Variants in EYS observed in about 807,000 individuals in gnomAD.
EYS encodes the protein protein eyes shut homolog.
A neutral mutation model predicts 282.1 loss-of-function variants in EYS; 250 were observed. The ratio of observed to expected loss-of-function variants is 0.89; its 90% CI spans 0.80 to 0.98. The LOEUF is 0.98. EYS is among the 50% of genes least tolerant of loss of function. The probability of loss-of-function intolerance (pLI) is 0.00; values close to 1 mark genes in which losing one functional copy is unlikely to be tolerated. For missense variants in EYS, 4,016 were observed against 3,709.0 expected (o/e 1.08, Z -2.15); for synonymous variants, 1,355 against 1,282.9 (o/e 1.06, Z -1.20).
intron 29 of EYS, among the ~76,000 whole-genome samples, chr6:64,364,638 T>G (rs533836612): frequency 2.6e-4 from 40 of 151,970 alleles, no homozygotes; most frequent in African/African-American, 9.6e-4. Flanking sequence ...TCAATCTAAT[T>G]AACCCAAATT....
chr6:64,423,813 A>G (rs767699847), intron 28 of EYS, among the ~76,000 whole-genome samples: 5 of 148,386 alleles, frequency 3.4e-5, no homozygotes, highest in Non-Finnish European at 5.9e-5. Flanking sequence ...ATCATGGGGG[A>G]AAAAAAAATT....
chr6:65,282,200 A>T (rs1768242924), intron 12 of EYS, among the ~76,000 whole-genome samples: 1 of 152,042 alleles, frequency 6.6e-6, no homozygotes, highest in Non-Finnish European at 1.5e-5. Flanking sequence ...TATTAAATAC[A>T]TTTCAAAATT....
intron 26 of EYS, among the ~76,000 whole-genome samples, chr6:64,471,908 G>C (rs73455414): frequency 6.6e-6 from 1 of 152,236 alleles, no homozygotes; most frequent in African/African-American, 2.4e-5. Flanking sequence ...TAGCACAGTA[G>C]GGTGACTGTA....
rs181559924 is a variant in EYS at position 64,341,168 on chromosome 6, A to G, written c.6079-34086T>C. On this transcript the variant is annotated intron_variant, in intron 29 of 42. Transcript: ENST00000503581. ...AGTTTGGAGATTTCTCAGAGAACTT[A>G]GAGCTACCATTCAACCCAGCAATCC... Among the ~76,000 whole-genome samples, 788 of 151,878 alleles carry G rather than the reference A, an allele frequency of 5.2e-3. 2 individuals carry two copies. The highest frequency in any genetic ancestry group is 8.5e-3 in the Non-Finnish European group (573 of 67,774).
intron 14 of EYS, among the ~76,000 whole-genome samples, chr6:64,978,923 T>C (rs558007877): frequency 1.3e-5 from 2 of 151,962 alleles, no homozygotes; most frequent in African/African-American, 4.8e-5. Context: ...TTATTATGGA[T>C]GAGCAAAGAA....
chr6:65,086,853 C>T (rs2150174988), intron 12 of EYS, among the ~76,000 whole-genome samples: 1 of 150,964 alleles, frequency 6.6e-6, no homozygotes, highest in African/African-American at 2.4e-5. Context: ...TTAACGGAGT[C>T]TTGCTCTGTC....
intron 42 of EYS, among the ~76,000 whole-genome samples, chr6:63,723,557 G>A (rs1768491420): frequency 6.6e-6 from 1 of 151,994 alleles, no homozygotes; most frequent in South Asian, 2.1e-4. Context: ...CTGAAGCTGT[G>A]ATCTATACTA....
At chr6:64,997,842 T>C (rs749682552) in intron 13 of EYS, 139 bp from the exon 14 acceptor site, 86 of 680,898 alleles carry the variant, frequency 1.3e-4, no homozygotes, top group Non-Finnish European at 1.7e-4. Flanking sequence ...ATTTAATCGA[T>C]TACATAGTCA....
intron 19 of EYS, among the ~76,000 whole-genome samples, chr6:64,861,080 G>A (rs1049808630): frequency 3.9e-5 from 6 of 152,186 alleles, no homozygotes; most frequent in African/African-American, 1.2e-4. Context: ...GGGCTTCACT[G>A]GGTACCTGCC....
intron 36 of EYS, among the ~76,000 whole-genome samples, chr6:63,807,219 C>G (rs1770929358): frequency 6.6e-6 from 1 of 152,086 alleles, no homozygotes; most frequent in Non-Finnish European, 1.5e-5. Context: ...CCATTCCTGT[C>G]TTTTATGGAT....
intron 12 of EYS, among the ~76,000 whole-genome samples, chr6:65,179,751 A>T (rs990698154): frequency 6.6e-6 from 1 of 152,040 alleles, no homozygotes; most frequent in Non-Finnish European, 1.5e-5. Context: ...GAGACACAAC[A>T]TAAAAAGAGA....
chr6:65,591,113 C>T (rs1048818149), intron 2 of EYS, among the ~76,000 whole-genome samples: 2 of 151,938 alleles, frequency 1.3e-5, no homozygotes, highest in Non-Finnish European at 2.9e-5. Flanking sequence ...GAAGGTTCCC[C>T]TTTCTCACCA....
chr6:65,127,391 C>A (rs1294587480), intron 12 of EYS, among the ~76,000 whole-genome samples: 5 of 152,062 alleles, frequency 3.3e-5, no homozygotes, highest in African/African-American at 1.2e-4. Flanking sequence ...GACATTTATG[C>A]ATTTTCAGAA....
intron 7 of EYS, among the ~76,000 whole-genome samples, chr6:65,386,301 T>G (rs1477355827): frequency 1.3e-5 from 2 of 151,868 alleles, no homozygotes; most frequent in Admixed American, 6.6e-5. Context: ...AGGACTAATG[T>G]GTACTAGGCT....
At chr6:65,540,775 T>G (rs897685241) in intron 2 of EYS, among the ~76,000 whole-genome samples, 1 of 151,810 alleles carries the variant, frequency 6.6e-6, no homozygotes, top group Non-Finnish European at 1.5e-5. Flanking sequence ...AAAAAAAAAT[T>G]AGTCGAGTGT....
At chr6:64,984,213 C>T (rs929616264) in intron 14 of EYS, among the ~76,000 whole-genome samples, 1 of 151,332 alleles carries the variant, frequency 6.6e-6, no homozygotes, top group Non-Finnish European at 1.5e-5. Context: ...AGATAAACTA[C>T]CCTTGACATC....
intron 24 of EYS, among the ~76,000 whole-genome samples, chr6:64,613,551 C>T (rs78852770): frequency 6.6e-6 from 1 of 151,926 alleles, no homozygotes; most frequent in African/African-American, 2.4e-5. Flanking sequence ...AACTTCTGCC[C>T]CCAAACATTG....
At chr6:64,072,005 C>G (rs1771599101) in intron 32 of EYS, among the ~76,000 whole-genome samples, 1 of 151,674 alleles carries the variant, frequency 6.6e-6, no homozygotes, top group African/African-American at 2.4e-5. Context: ...CATAAAAAAT[C>G]CAAGGCACAG....
At chr6:65,632,460 A>G (rs1766950594) in intron 2 of EYS, among the ~76,000 whole-genome samples, 1 of 152,192 alleles carries the variant, frequency 6.6e-6, no homozygotes, top group African/African-American at 2.4e-5. Flanking sequence ...AACTCTATAA[A>G]GACAAAAATA....
Sources: gnomAD v4.1 joint callset for allele counts (sites outside exome capture counted in the v4.1 genomes callset) on GRCh38, gnomAD v4.1.1 for gene constraint, MANE v1.5 for transcripts, NCBI Gene and HGNC (gene_info 2026-07-23, HGNC 2026-07-21) for gene names.